ZNF680: variants seen among roughly 807,000 people sequenced by gnomAD.
ZNF680 encodes the protein zinc finger protein 680.
Under a neutral mutation model 12.1 loss-of-function variants are expected in ZNF680, and 6 were observed. That is an observed-to-expected ratio of 0.49 (90% CI 0.27 to 0.98). ZNF680 has a LOEUF of 0.98. Ranked by LOEUF, ZNF680 falls within the 50% of genes least tolerant of loss-of-function variation. ZNF680 has a pLI of 0.12. For synonymous variants in ZNF680, 170 were observed against 199.3 expected (o/e 0.85, Z 1.24); for missense variants, 561 against 616.3 (o/e 0.91, Z 0.95).
intron 3 of ZNF680, among the ~76,000 whole-genome samples, chr7:64,535,652 T>C (rs1458047639): frequency 1.3e-5 from 2 of 152,036 alleles, no homozygotes; most frequent in African/African-American, 2.4e-5. Flanking sequence ...ATACTTTAAG[T>C]GAAGTACTTG....
intron 3 of ZNF680, chr7:64,525,626 C>A (rs1398699846): frequency 2.9e-5 from 11 of 381,718 alleles, no homozygotes. Context: ...ATAACAATGT[C>A]AATATAATAG....
chr7:64,545,912 A>G (rs1382520325), intron 1 of ZNF680, among the ~76,000 whole-genome samples: 1 of 152,336 alleles, frequency 6.6e-6, no homozygotes, highest in East Asian at 1.9e-4. Context: ...ACACGTTCCC[A>G]TAATTCAACA....
intron 1 of ZNF680, among the ~76,000 whole-genome samples, chr7:64,558,109 C>G (rs1787521460): frequency 1.3e-5 from 2 of 152,108 alleles, no homozygotes; most frequent in Non-Finnish European, 2.9e-5. Context: ...TGGGGCTGTA[C>G]TTGTTTATTT....
At chr7:64,555,096 C>A (rs1787335867) in intron 1 of ZNF680, among the ~76,000 whole-genome samples, 1 of 152,072 alleles carries the variant, frequency 6.6e-6, no homozygotes, top group African/African-American at 2.4e-5. Flanking sequence ...GATACAACAC[C>A]CCACAGACCC....
chr7:64,536,977 G>C (rs1349699453), intron 3 of ZNF680, among the ~76,000 whole-genome samples: 2 of 152,090 alleles, frequency 1.3e-5, no homozygotes, highest in Non-Finnish European at 2.9e-5. Flanking sequence ...AGCTGAGGTG[G>C]AAGGATCACT....
At chr7:64,502,893 G>A in the ZNF680 span, among the ~76,000 whole-genome samples, 1 of 151,912 alleles carries the variant, frequency 6.6e-6, no homozygotes, top group Non-Finnish European at 1.5e-5. Flanking sequence ...CATCGTCTGT[G>A]AACTTTTTTT....
the ZNF680 span, among the ~76,000 whole-genome samples, chr7:64,507,673 A>G: frequency 6.6e-6 from 1 of 152,180 alleles, no homozygotes; most frequent in East Asian, 1.9e-4. Context: ...ATATAGGTAT[A>G]TTAAAATATC....
At chr7:64,552,005 C>T (rs1787106963) in intron 1 of ZNF680, 1 of 152,218 alleles carries the variant, frequency 6.6e-6, no homozygotes, top group African/African-American at 2.4e-5. Context: ...GCTCTCTCAT[C>T]TTTTAGCCAT....
chr7:64,555,000 T>TAA (rs894135349), intron 1 of ZNF680, among the ~76,000 whole-genome samples: 2 of 150,396 alleles, frequency 1.3e-5, no homozygotes, highest in African/African-American at 4.9e-5. Context: ...CTAAAAAAAT[T>TAA]AAAAAAAAAA....
chr7:64,520,897 G>A lies in ZNF680; in HGVS notation c.*264C>T. 5.7e-6 allele frequency: 2 copies of A among 350,256 alleles called. No individual in the cohort carries two copies. The highest frequency in any genetic ancestry group is 8.9e-5 in the South Asian group (2 of 22,562). 21.7% of individuals were successfully genotyped at this position (350,256 alleles called of 1,614,324 possible). A position where few individuals can be genotyped will look rare whatever the true frequency, so the allele number is the denominator to read the frequency against. On this transcript the variant is annotated 3_prime_UTR_variant, in exon 4 of 4. Transcript: ENST00000309683. ...ATGCTTTTAATAAGTATAAACTCTG[G>A]TGTTGAGTAAGATGTGAAAAGATAT...
intron 3 of ZNF680, among the ~76,000 whole-genome samples, chr7:64,532,757 T>C (rs200264898): frequency 4.6e-5 from 7 of 152,308 alleles, no homozygotes; most frequent in South Asian, 4.1e-4. Flanking sequence ...CTGATGAACA[T>C]AGATGCTAAA....
the ZNF680 span, among the ~76,000 whole-genome samples, chr7:64,509,783 C>T: frequency 6.6e-6 from 1 of 152,000 alleles, no homozygotes; most frequent in South Asian, 2.1e-4. Context: ...GTAAAGGTCA[C>T]GCTTGTATCC....
At position 64,537,391 on chromosome 7, in the gene ZNF680, T is replaced by C. The variant is rs986814261; in HGVS notation, c.253+6316A>G. 2.0e-5 allele frequency among the ~76,000 whole-genome samples: 3 copies of C among 152,098 alleles called. No individual in the cohort carries two copies. The East Asian group carries it at 5.8e-4, about 29-fold the overall frequency. On this transcript the variant is annotated intron_variant, in intron 3 of 3. Transcript: ENST00000309683. ...TAGTTTTGCTCAAGGGTCAAAAAATTTAATTTTGTTAAGATGTCAATATAA... is the reference window on the plus strand; with the variant it reads ...TAGTTTTGCTCAAGGGTCAAAAAATCTAATTTTGTTAAGATGTCAATATAA...
At chr7:64,531,977 A>G (rs1785908862) in intron 3 of ZNF680, among the ~76,000 whole-genome samples, 1 of 152,196 alleles carries the variant, frequency 6.6e-6, no homozygotes, top group Non-Finnish European at 1.5e-5. Context: ...GCAAAAAAAT[A>G]CAAAAGATAA....
the ZNF680 span, chr7:64,501,587 TG>T: frequency 1.3e-6 from 1 of 756,252 alleles, no homozygotes; most frequent in Non-Finnish European, 2.4e-6. Context: ...GGGGCGCAGA[TG>T]ACTCTGCTGA....
intron 1 of ZNF680, among the ~76,000 whole-genome samples, chr7:64,554,077 G>A (rs867125661): frequency 1.2e-4 from 18 of 146,932 alleles, no homozygotes; most frequent in Middle Eastern, 3.6e-3. Context: ...CCCTCTGCCC[G>A]GCCGCCCAGT....
the ZNF680 span, chr7:64,501,110 G>C: frequency 3.1e-6 from 3 of 976,256 alleles, no homozygotes; most frequent in Non-Finnish European, 4.8e-6. Context: ...GGAAAAGCAG[G>C]TGTGAAATGA....
chr7:64,560,585 G>T (rs1332523219), intron 1 of ZNF680, among the ~76,000 whole-genome samples: 1 of 152,174 alleles, frequency 6.6e-6, no homozygotes, highest in East Asian at 1.9e-4. Context: ...GCCAAGGCGG[G>T]TGGATCACCT....
chr7:64,532,044 G>A (rs956473393), intron 3 of ZNF680, among the ~76,000 whole-genome samples: 7 of 152,148 alleles, frequency 4.6e-5, no homozygotes, highest in South Asian at 2.1e-4. Context: ...GGTGGCTCAC[G>A]CCTGTAATCC....
Sources: gnomAD v4.1 joint callset for allele counts (sites outside exome capture counted in the v4.1 genomes callset) on GRCh38, gnomAD v4.1.1 for gene constraint, MANE v1.5 for transcripts, NCBI Gene and HGNC (gene_info 2026-07-23, HGNC 2026-07-21) for gene names.